FNDC3B: variants seen among roughly 807,000 people sequenced by gnomAD.
FNDC3B encodes fibronectin type III domain-containing protein 3B.
In FNDC3B, 12 loss-of-function variants were observed where a neutral mutation model predicts 151.5. The observed-to-expected ratio is 0.08, with a 90% CI of 0.05 to 0.13. The LOEUF is 0.13. FNDC3B is among the 10% of genes least tolerant of loss of function. FNDC3B has a pLI of 1.00. For missense variants in FNDC3B, 1,214 were observed against 1,505.3 expected (o/e 0.81, Z 3.20); for synonymous variants, 528 against 549.0 (o/e 0.96, Z 0.54).
chr3:172,251,619 T>G (rs1728085682), intron 6 of FNDC3B, 78 bp downstream of exon 6: 1 of 1,347,570 alleles, frequency 7.4e-7, no homozygotes, highest in Admixed American at 2.2e-5. Flanking sequence ...ATCTTTTACA[T>G]GAGAATATTA....
intron 3 of FNDC3B, among the ~76,000 whole-genome samples, chr3:172,187,496 T>C (rs1724251588): frequency 1.3e-5 from 2 of 152,302 alleles, no homozygotes; most frequent in South Asian, 4.1e-4. Context: ...AATCCTGGAT[T>C]AGTTCTCAGG....
chr3:172,345,719 C>T (rs1733582025), intron 19 of FNDC3B, among the ~76,000 whole-genome samples: 1 of 152,128 alleles, frequency 6.6e-6, no homozygotes, highest in African/African-American at 2.4e-5. Flanking sequence ...GTTCAGGTGG[C>T]TGTGACTCTC....
chr3:172,186,777 TTC>T lies in FNDC3B; in HGVS notation c.188-40087_188-40086del, dbSNP rs1317668780. 3.0e-5 allele frequency: 21 copies of T among 701,648 alleles called. No homozygotes were observed. In the Admixed American group the frequency reaches 3.8e-4, roughly 13 times the overall value. The allele number at this position is 701,648 out of a possible 1,614,324, so 43.5% of individuals were successfully genotyped here. A position where few individuals can be genotyped will look rare whatever the true frequency, so the allele number is the denominator to read the frequency against. On this transcript the variant is annotated intron_variant, in intron 3 of 25. Coordinates refer to ENST00000415807, the MANE Select transcript of FNDC3B (RefSeq NM_022763.4). The stretch of plus-strand genomic sequence containing the variant: ...TCTCAGCTTTTTCCCCCTTACCTTG[TTC>T]TCTCTCATGTTTCATGATCTGTGTC...
intron 1 of FNDC3B, among the ~76,000 whole-genome samples, chr3:172,108,185 A>ACTT (rs1553761938): frequency 4.0e-4 from 60 of 151,832 alleles, no homozygotes; most frequent in African/African-American, 1.4e-3. Context: ...AGAAAAAAAA[A>ACTT]AAGTAGAGGT....
chr3:172,268,018 T>C (rs1053551937), intron 6 of FNDC3B, among the ~76,000 whole-genome samples: 1 of 152,242 alleles, frequency 6.6e-6, no homozygotes, highest in African/African-American at 2.4e-5. Context: ...GTTATCTGCC[T>C]TGTGTTTTTA....
chr3:172,041,491 CT>C (rs10576188), intron 1 of FNDC3B, among the ~76,000 whole-genome samples: 110,892 of 136,052 alleles, frequency 0.82, 45,259 homozygotes, highest in African/African-American at 0.92. Flanking sequence ...TGTTCTTCTT[CT>C]TTTTTTTTTT....
intron 4 of FNDC3B, among the ~76,000 whole-genome samples, chr3:172,233,489 A>G (rs967993582): frequency 6.6e-6 from 1 of 152,220 alleles, no homozygotes; most frequent in Admixed American, 6.5e-5. Flanking sequence ...TTGGTTGGTC[A>G]TTTGCCAATG....
chr3:172,354,067 A>G (rs1398629780), intron 22 of FNDC3B, among the ~76,000 whole-genome samples: 1 of 152,118 alleles, frequency 6.6e-6, no homozygotes, highest in Non-Finnish European at 1.5e-5. Context: ...TTTCTTTTAC[A>G]TCTTGAAGTA....
intron 2 of FNDC3B, among the ~76,000 whole-genome samples, chr3:172,119,119 G>A (rs920023849): frequency 5.7e-5 from 8 of 139,784 alleles, no homozygotes; most frequent in African/African-American, 1.9e-4. Context: ...GCAGTGAGCC[G>A]ACATTGAACC....
chr3:172,192,169 G>GTTTTTT (rs200952601), intron 3 of FNDC3B, among the ~76,000 whole-genome samples: 1 of 87,408 alleles, frequency 1.1e-5, no homozygotes, highest in Non-Finnish European at 2.4e-5. Flanking sequence ...TTTTGTGTGT[G>GTTTTTT]TTTTTTGTTT....
rs1306070852 is a variant in FNDC3B at position 172,397,735 on chromosome 3, G to A, written c.*260G>A. On this transcript the variant is annotated 3_prime_UTR_variant, in exon 26 of 26. Transcript: ENST00000415807. ...AGATACCAAAAGCTAGCTTTCTTAT[G>A]TTTTCCTTTAAATTTTCAGATTTAC... 2 of 238,648 alleles carry A rather than the reference G, an allele frequency of 8.4e-6. No individual in the cohort carries two copies. Among genetic ancestry groups the A allele is most frequent in the African/African-American group, 4.6e-5 (2 of 43,502 alleles). 14.8% of individuals were successfully genotyped at this position (238,648 alleles called of 1,614,324 possible).
chr3:172,286,043 T>A, intron 7 of FNDC3B, 59 bp downstream of exon 7: 1 of 745,020 alleles, frequency 1.3e-6, no homozygotes, highest in Non-Finnish European at 1.8e-6. Flanking sequence ...CAAATGTGCT[T>A]TTTTTTTTTT....
At chr3:172,109,381 T>A (rs1319840477) in intron 1 of FNDC3B, among the ~76,000 whole-genome samples, 3 of 152,078 alleles carry the variant, frequency 2.0e-5, no homozygotes, top group Non-Finnish European at 1.5e-5. Flanking sequence ...TTAGCCGGGA[T>A]GGTCTCGATC....
intron 8 of FNDC3B, among the ~76,000 whole-genome samples, chr3:172,296,116 G>A (rs1438410172): frequency 1.3e-5 from 2 of 152,142 alleles, no homozygotes; most frequent in African/African-American, 4.8e-5. Flanking sequence ...AAATTTTAGG[G>A]CCACGTCTTT....
At chr3:172,147,068 G>A (rs1721949450) in intron 3 of FNDC3B, among the ~76,000 whole-genome samples, 1 of 152,170 alleles carries the variant, frequency 6.6e-6, no homozygotes, top group African/African-American at 2.4e-5. Flanking sequence ...CACCGTGGGA[G>A]GCCAAGGCAG....
chr3:172,056,077 G>A (rs561758425), intron 1 of FNDC3B, among the ~76,000 whole-genome samples: 8 of 152,214 alleles, frequency 5.3e-5, no homozygotes, highest in Non-Finnish European at 1.2e-4. Context: ...CACTGCGCCC[G>A]GCCTGTTCCT....
At chr3:172,097,821 T>G (rs888775071) in intron 1 of FNDC3B, among the ~76,000 whole-genome samples, 1 of 152,218 alleles carries the variant, frequency 6.6e-6, no homozygotes, top group Admixed American at 6.5e-5. Context: ...ATGATGGGCA[T>G]GGATACACAT....
chr3:172,185,750 A>ATT (rs1724144329), intron 3 of FNDC3B, among the ~76,000 whole-genome samples: 1 of 152,266 alleles, frequency 6.6e-6, no homozygotes, highest in Non-Finnish European at 1.5e-5. Context: ...TGTATTGGTG[A>ATT]TTTAGTAGAT....
intron 13 of FNDC3B, among the ~76,000 whole-genome samples, chr3:172,331,121 G>A (rs1404719132): frequency 6.6e-6 from 1 of 151,940 alleles, no homozygotes; most frequent in Non-Finnish European, 1.5e-5. Context: ...ATCCTTACTA[G>A]GCTTCAGTCT....
Sources: allele counts gnomAD v4.1 joint callset (sites outside exome capture counted in the v4.1 genomes callset), GRCh38; gene constraint gnomAD v4.1.1; transcripts MANE v1.5; gene names NCBI Gene and HGNC (gene_info 2026-07-23, HGNC 2026-07-21).